Variants in LRRC4C observed in about 807,000 individuals in gnomAD.
LRRC4C encodes leucine-rich repeat-containing protein 4C.
Under a neutral mutation model 33.6 loss-of-function variants are expected in LRRC4C, and 5 were observed. That is an observed-to-expected ratio of 0.15 (90% CI 0.08 to 0.31). LRRC4C has a LOEUF of 0.31. Among genes scored for constraint, LRRC4C ranks in the 10% least tolerant of loss-of-function variants. LRRC4C has a pLI of 1.00. For synonymous variants in LRRC4C, 329 were observed against 302.0 expected, an observed-to-expected ratio of 1.09 and a Z score of -0.93; for missense variants, 560 against 796.7, an observed-to-expected ratio of 0.70 and a Z score of 3.58.
intron 3 of LRRC4C, among the ~76,000 whole-genome samples, chr11:40,412,040 T>C (rs984526518): frequency 2.6e-5 from 4 of 152,018 alleles, no homozygotes; most frequent in Non-Finnish European, 4.4e-5. Context: ...ACAGCTTTTT[T>C]TGGGGGGTTA....
chr11:41,187,819 T>A (rs114886033), intron 1 of LRRC4C, among the ~76,000 whole-genome samples: 302 of 152,312 alleles, frequency 2.0e-3, no homozygotes, highest in African/African-American at 6.8e-3. Context: ...CCCATCTGCA[T>A]GCTCCCGCTA....
At chr11:41,456,228 C>T (rs1956167818) in intron 1 of LRRC4C, among the ~76,000 whole-genome samples, 1 of 152,128 alleles carries the variant, frequency 6.6e-6, no homozygotes, top group Admixed American at 6.6e-5. Context: ...CAGCTCAGCT[C>T]TTTGAGCTAA....
intron 3 of LRRC4C, among the ~76,000 whole-genome samples, chr11:40,538,252 A>C (rs2135365971): frequency 6.6e-6 from 1 of 151,780 alleles, no homozygotes; most frequent in South Asian, 2.1e-4. Flanking sequence ...AGCACTCATT[A>C]TTTTTATCCT....
intron 1 of LRRC4C, among the ~76,000 whole-genome samples, chr11:41,105,675 T>C (rs1047468424): frequency 6.6e-6 from 1 of 152,058 alleles, no homozygotes; most frequent in Non-Finnish European, 1.5e-5. Flanking sequence ...TCCAGGTAAA[T>C]GCAGTGGCAT....
intron 1 of LRRC4C, among the ~76,000 whole-genome samples, chr11:41,301,464 T>C (rs1364326064): frequency 6.6e-6 from 1 of 152,142 alleles, no homozygotes. Flanking sequence ...TGTATTTAAA[T>C]TGCCTTGCAA....
At position 41,166,129 on chromosome 11, in the gene LRRC4C, CA is replaced by C. The variant is rs1162700447; in HGVS notation, c.-495-232407del. ...ATGGGTTTTAAATCTGTATTTATGT[CA>C]AAAAAAAAAGCATAATGATAGTCTT... On this transcript the variant is annotated intron_variant, in intron 1 of 6. Coordinates refer to ENST00000528697, the MANE Select transcript of LRRC4C (RefSeq NM_001258419.2). Among the ~76,000 whole-genome samples the C allele has an allele frequency of 8.7e-3, 1,245 of 142,334 alleles. 4 individuals carry two copies. The highest frequency in any genetic ancestry group is 0.016 in the African/African-American group (618 of 39,088). The allele number at this position is 142,334 out of a possible 152,430, so 93.4% of individuals were successfully genotyped here.
intron 3 of LRRC4C, among the ~76,000 whole-genome samples, chr11:40,456,419 G>T (rs1282910809): frequency 6.6e-6 from 1 of 151,506 alleles, no homozygotes; most frequent in Admixed American, 6.6e-5. Flanking sequence ...AAACATAAAA[G>T]TCAAGGAAAT....
intron 2 of LRRC4C, among the ~76,000 whole-genome samples, chr11:40,710,563 G>A (rs532957109): frequency 6.6e-6 from 1 of 152,292 alleles, no homozygotes; most frequent in Non-Finnish European, 1.5e-5. Flanking sequence ...AAATATTGCT[G>A]CCTAATATTT....
intron 1 of LRRC4C, among the ~76,000 whole-genome samples, chr11:41,425,985 A>G (rs889805738): frequency 6.6e-6 from 1 of 152,184 alleles, no homozygotes; most frequent in African/African-American, 2.4e-5. Context: ...AGCTCAGTGA[A>G]TCAAAAACAC....
intron 5 of LRRC4C, among the ~76,000 whole-genome samples, chr11:40,194,570 T>C (rs1338715947): frequency 7.0e-6 from 1 of 143,780 alleles, no homozygotes; most frequent in African/African-American, 2.6e-5. Context: ...AGCTGAGCAA[T>C]GAGAACATAT....
chr11:41,415,948 T>C (rs1954662653), intron 1 of LRRC4C, among the ~76,000 whole-genome samples: 1 of 151,988 alleles, frequency 6.6e-6, no homozygotes, highest in African/African-American at 2.4e-5. Flanking sequence ...GTGTGGTAGA[T>C]GTTAGCAGAG....
intron 3 of LRRC4C, among the ~76,000 whole-genome samples, chr11:40,557,666 C>T (rs1275590903): frequency 1.3e-5 from 2 of 149,444 alleles, no homozygotes; most frequent in South Asian, 2.1e-4. Context: ...CATTTTTACA[C>T]TGTCTATAGA....
intron 3 of LRRC4C, among the ~76,000 whole-genome samples, chr11:40,591,142 T>C (rs1426153887): frequency 6.6e-6 from 1 of 152,148 alleles, no homozygotes; most frequent in African/African-American, 2.4e-5. Context: ...TCCGTGGGCA[T>C]ACGACCCTCC....
intron 3 of LRRC4C, among the ~76,000 whole-genome samples, chr11:40,424,681 G>A (rs1950647927): frequency 3.9e-5 from 6 of 152,236 alleles, no homozygotes; most frequent in Middle Eastern, 3.4e-3. Flanking sequence ...GCAGCTCCAC[G>A]TGTAACAATA....
chr11:40,935,395 T>C (rs918867139), intron 1 of LRRC4C, among the ~76,000 whole-genome samples: 3 of 152,320 alleles, frequency 2.0e-5, no homozygotes, highest in East Asian at 1.9e-4. Flanking sequence ...GTCTGCTTAA[T>C]ATAGTCATAC....
At chr11:41,162,128 G>A (rs1944499720) in intron 1 of LRRC4C, among the ~76,000 whole-genome samples, 1 of 152,018 alleles carries the variant, frequency 6.6e-6, no homozygotes, top group Non-Finnish European at 1.5e-5. Flanking sequence ...CTTTTGCCCA[G>A]GTAGCACATG....
At chr11:40,207,567 C>T (rs1863253210) in intron 5 of LRRC4C, among the ~76,000 whole-genome samples, 1 of 152,112 alleles carries the variant, frequency 6.6e-6, no homozygotes. Context: ...ATGCCACTGC[C>T]ACTCTAGCCT....
At chr11:40,228,445 T>TA (rs533419698) in intron 5 of LRRC4C, among the ~76,000 whole-genome samples, 3,356 of 143,004 alleles carry the variant, frequency 0.023, 123 homozygotes, top group African/African-American at 0.079. Context: ...TACTTCAAAG[T>TA]AAAAAAAAAA....
chr11:40,577,866 C>G (rs1236397307), intron 3 of LRRC4C, among the ~76,000 whole-genome samples: 2 of 128,784 alleles, frequency 1.6e-5, no homozygotes, highest in South Asian at 2.5e-4. Flanking sequence ...GACGGAGTCT[C>G]GCTCTGTCGC....
Sources: gnomAD v4.1 joint callset for allele counts (sites outside exome capture counted in the v4.1 genomes callset) on GRCh38, gnomAD v4.1.1 for gene constraint, MANE v1.5 for transcripts, NCBI Gene and HGNC (gene_info 2026-07-23, HGNC 2026-07-21) for gene names.